DBF4: variants seen among roughly 807,000 people sequenced by gnomAD.
The protein encoded by DBF4 is DBF4-CDC7 kinase regulatory subunit.
A neutral mutation model predicts 76.6 loss-of-function variants in DBF4; 25 were observed. That is an observed-to-expected ratio of 0.33 (90% CI 0.24 to 0.46). The LOEUF is 0.46. DBF4 is among the 20% of genes least tolerant of loss of function. DBF4 has a pLI of 1.00. For missense variants in DBF4, 638 were observed against 760.8 expected, an observed-to-expected ratio of 0.84 and a Z score of 1.90; for synonymous variants, 213 against 258.0, an observed-to-expected ratio of 0.83 and a Z score of 1.67.
intron 2 of DBF4, among the ~76,000 whole-genome samples, chr7:87,881,523 A>G (rs1028774826): frequency 6.6e-6 from 1 of 152,248 alleles, no homozygotes; most frequent in Non-Finnish European, 1.5e-5. Flanking sequence ...TAGAATGTCA[A>G]GAGAAAGGAG....
chr7:87,896,537 A>G, intron 7 of DBF4, 27 bp downstream of exon 7: 1 of 1,602,956 alleles, frequency 6.2e-7, no homozygotes, highest in Non-Finnish European at 8.5e-7. Context: ...CTTTAAGTGT[A>G]TTTGGTTTGC....
chr7:87,890,203 T>C (rs1007624627), intron 6 of DBF4, among the ~76,000 whole-genome samples: 5 of 152,210 alleles, frequency 3.3e-5, no homozygotes, highest in African/African-American at 1.2e-4. Context: ...AACTCTGAAT[T>C]GACTTTATAG....
chr7:87,878,396 A>G (rs993394145), intron 2 of DBF4, 171 bp downstream of exon 2: 9 of 562,098 alleles, frequency 1.6e-5, no homozygotes, highest in Non-Finnish European at 2.4e-5. Context: ...CCTTTTGTGG[A>G]CTGACAGACC....
chr7:87,887,522 TATAA>T, intron 5 of DBF4, 124 bp downstream of exon 5: 2 of 1,089,650 alleles, frequency 1.8e-6, no homozygotes, highest in Non-Finnish European at 2.5e-6. Flanking sequence ...TCCTATTGCT[TATAA>T]CAGAATACCT....
chr7:87,893,571 C>A (rs1445480966), intron 6 of DBF4, among the ~76,000 whole-genome samples: 3 of 152,180 alleles, frequency 2.0e-5, no homozygotes, highest in Admixed American at 6.5e-5. Context: ...GTGAATTGAC[C>A]CTTCTAGCCT....
At chr7:87,888,272 C>T (rs1288581185) in intron 6 of DBF4, 3 of 984,582 alleles carry the variant, frequency 3.0e-6, no homozygotes, top group Non-Finnish European at 3.6e-6. Flanking sequence ...AGGTCGCTTC[C>T]TCAGCCCCCT....
At chr7:87,888,094 G>C (rs1202873494) in intron 6 of DBF4, 35 bp downstream of exon 6, 1 of 1,529,620 alleles carries the variant, frequency 6.5e-7, no homozygotes, top group East Asian at 2.3e-5. Flanking sequence ...AAGTGACCAA[G>C]CTTGGTTTTT....
intron 5 of DBF4, among the ~76,000 whole-genome samples, chr7:87,887,750 A>G (rs1839393053): frequency 6.6e-6 from 1 of 152,156 alleles, no homozygotes; most frequent in Non-Finnish European, 1.5e-5. Flanking sequence ...GTCCACTCCC[A>G]TGATAACCCA....
chr7:87,900,611 T>C (rs1839753755), intron 9 of DBF4, among the ~76,000 whole-genome samples, 153 bp from the exon 10 acceptor site: 1 of 152,048 alleles, frequency 6.6e-6, no homozygotes, highest in Non-Finnish European at 1.5e-5. Context: ...AGTTTGCTTC[T>C]CAATATAGTA....
chr7:87,884,963 C>A lies in DBF4; in HGVS notation c.220-16C>A, dbSNP rs767487378. ...TAAAACAAATTTATAAATAAAAATACTTTGTTCTCTTCTAGCGAGTTGAAG... is the reference window on the plus strand; with the variant it reads ...TAAAACAAATTTATAAATAAAAATAATTTGTTCTCTTCTAGCGAGTTGAAG... On this transcript the variant is annotated splice_polypyrimidine_tract_variant and intron_variant, in intron 2 of 11. Transcript: ENST00000265728. 6.3e-7 allele frequency: 1 copy of A among 1,577,726 alleles called. No homozygotes were observed. The highest frequency in any genetic ancestry group is 1.7e-5 in the Admixed American group (1 of 57,400).
chr7:87,898,529 C>G (rs921256582), intron 8 of DBF4, among the ~76,000 whole-genome samples: 2 of 152,252 alleles, frequency 1.3e-5, no homozygotes, highest in Non-Finnish European at 2.9e-5. Flanking sequence ...CGGTGGCTCA[C>G]TCCTGTAATC....
chr7:87,879,025 C>T lies in DBF4; in HGVS notation c.219+800C>T, dbSNP rs183784927. Among the ~76,000 whole-genome samples the T allele has an allele frequency of 3.1e-3, 477 of 152,260 alleles. 2 individuals carry two copies. Among genetic ancestry groups the T allele is most frequent in the Admixed American group, 7.6e-3 (116 of 15,292 alleles). ...TGGTGCGATCTCAGCTCACTGCAAC[C>T]TCCTCCTCTCAGGTTCAAGTGATTC... is the stretch of plus-strand genomic sequence containing the variant. On this transcript the variant is annotated intron_variant, in intron 2 of 11. Transcript: ENST00000265728.
intron 1 of DBF4, 94 bp downstream of exon 1, chr7:87,876,872 C>G: frequency 7.1e-7 from 1 of 1,402,552 alleles, no homozygotes; most frequent in East Asian, 2.4e-5. Flanking sequence ...GCCGGGTCCT[C>G]AGCTTCTTTT....
intron 4 of DBF4, 44 bp downstream of exon 4, chr7:87,886,938 A>G: frequency 7.7e-7 from 1 of 1,299,514 alleles, no homozygotes; most frequent in South Asian, 1.3e-5. Context: ...TTTTGTTATT[A>G]AAAACTCAAC....
chr7:87,899,214 G>A (rs547225713), intron 8 of DBF4, among the ~76,000 whole-genome samples: 1 of 152,214 alleles, frequency 6.6e-6, no homozygotes, highest in East Asian at 1.9e-4. Flanking sequence ...GATTACAAAA[G>A]ATAAAATAAT....
At chr7:87,893,493 C>T (rs1839548683) in intron 6 of DBF4, among the ~76,000 whole-genome samples, 1 of 151,990 alleles carries the variant, frequency 6.6e-6, no homozygotes, top group Non-Finnish European at 1.5e-5. Flanking sequence ...GATCCACCCG[C>T]CTCGGCCTCC....
chr7:87,896,462 A>T lies in DBF4; in HGVS notation c.598-12A>T, dbSNP rs80175733. On this transcript the variant is annotated splice_polypyrimidine_tract_variant and intron_variant, in intron 6 of 11. Transcript: ENST00000265728. ...TTCAAAGCCAATCTTTTCACTATAT[A>T]TTTTTTTTTAGGGCAAAAGAGTTGG... The T allele has an allele frequency of 5.2e-6, 8 of 1,536,034 alleles. No individual in the cohort carries two copies. Among genetic ancestry groups the T allele is most frequent in the East Asian group, 2.3e-5 (1 of 42,644 alleles).
At position 87,908,115 on chromosome 7, in the gene DBF4, A is replaced by G; in HGVS notation, c.1977A>G (p.Leu659=). Residue 659 remains leucine (L), a synonymous_variant, in exon 12 of 12, where the codon TTA becomes TTG. Coordinates refer to ENST00000265728, the MANE Select transcript of DBF4 (RefSeq NM_006716.4). The part of the protein sequence containing the change: ...IWEEENSDNL[L]TAFFSSPSTS... ...AAGAGGAAAATTCAGATAATCTGTTAACAGCGTTTTTCTCGTCCCCTTCAA... is the reference window on the plus strand; with the variant it reads ...AAGAGGAAAATTCAGATAATCTGTTGACAGCGTTTTTCTCGTCCCCTTCAA... 2.5e-6 allele frequency: 4 copies of G among 1,607,148 alleles called. No individual in the cohort carries two copies. Among genetic ancestry groups the G allele is most frequent in the Non-Finnish European group, 3.4e-6 (4 of 1,177,370 alleles).
intron 11 of DBF4, among the ~76,000 whole-genome samples, chr7:87,905,095 C>T (rs540130968): frequency 2.7e-4 from 41 of 152,264 alleles, no homozygotes; most frequent in Admixed American, 1.3e-3. Context: ...GGATTACAGG[C>T]GTGTGCCACT....
Sources: allele counts gnomAD v4.1 joint callset (sites outside exome capture counted in the v4.1 genomes callset), GRCh38; gene constraint gnomAD v4.1.1; transcripts MANE v1.5; gene names NCBI Gene and HGNC (gene_info 2026-07-23, HGNC 2026-07-21).